Variants in PRKAG2 observed in about 807,000 individuals in gnomAD.
The protein encoded by PRKAG2 is 5'-AMP-activated protein kinase subunit gamma-2.
A neutral mutation model predicts 69.6 loss-of-function variants in PRKAG2; 26 were observed. That is an observed-to-expected ratio of 0.37 (90% confidence interval 0.27 to 0.52). The LOEUF is 0.52. Among genes scored for constraint, PRKAG2 ranks in the 20% least tolerant of loss-of-function variants. PRKAG2 has a pLI of 0.90. For synonymous variants in PRKAG2, 293 were observed against 285.0 expected, an observed-to-expected ratio of 1.03 and a Z score of -0.28; for missense variants, 557 against 740.0, an observed-to-expected ratio of 0.75 and a Z score of 2.87.
intron 1 of PRKAG2, among the ~76,000 whole-genome samples, chr7:151,855,098 C>A (rs377177030): frequency 4.9e-4 from 24 of 48,684 alleles, no homozygotes; most frequent in African/African-American, 7.7e-4. Flanking sequence ...ACACCATCCT[C>A]CACACACACC....
chr7:151,729,158 G>C (rs1563539876), intron 3 of PRKAG2, among the ~76,000 whole-genome samples: 2 of 151,696 alleles, frequency 1.3e-5, no homozygotes, highest in Non-Finnish European at 2.9e-5. Context: ...GGATGAGAGT[G>C]GGGCGGACAG....
rs545089356 is a variant in PRKAG2, at chr7:151,658,345, C to T, written c.684+17075G>A. Reference sequence around the variant, plus strand: ...TACTAAAAATACAAAATTAGCCAGGCGTGGTGGCGCGTGCCCGTAATCCCA... The same window carrying T: ...TACTAAAAATACAAAATTAGCCAGGTGTGGTGGCGCGTGCCCGTAATCCCA... On this transcript the variant is annotated intron_variant, in intron 4 of 15. Transcript: ENST00000287878. 3.3e-3 allele frequency among the ~76,000 whole-genome samples: 493 copies of T among 151,216 alleles called. 2 individuals carry two copies. Among genetic ancestry groups the T allele is most frequent in the Non-Finnish European group, 5.9e-3 (402 of 67,784 alleles).
At chr7:151,579,481 A>G (rs1212850970) in intron 6 of PRKAG2, among the ~76,000 whole-genome samples, 1 of 152,230 alleles carries the variant, frequency 6.6e-6, no homozygotes, top group East Asian at 1.9e-4. Flanking sequence ...AGTTTGGCAT[A>G]ATGAAACAGT....
At chr7:151,827,399 C>G (rs906267183) in intron 1 of PRKAG2, among the ~76,000 whole-genome samples, 2 of 152,070 alleles carry the variant, frequency 1.3e-5, no homozygotes, top group African/African-American at 4.8e-5. Context: ...CCACCACACC[C>G]AGCTAATGTT....
chr7:151,675,514 G>T lies in PRKAG2; in HGVS notation c.590C>A (p.Pro197His), dbSNP rs368637364. 6.2e-7 allele frequency: 1 copy of T among 1,614,210 alleles called. No homozygotes were observed. ...LENRIYASSS[P>H]PDTGQRFCPS... is the part of the protein sequence containing the mutation. ...GCAGAACCTCTGCCCTGTGTCCGGG[G>T]GGGAAGACGAGGCATAGATGCGATT... is the stretch of plus-strand genomic sequence containing the variant. The change falls in exon 4 of 16, where the codon CCC (proline) becomes CAC (histidine). Residue 197 changes from proline (P) to histidine (H), a missense_variant. Pro to His is a moderately conservative substitution (Grantham distance 77, BLOSUM62 -2). Around this residue, in one of 2 missense-constraint regions of PRKAG2, gnomAD observed 352 missense variants for 356.7 expected, o/e 0.99. Coordinates refer to ENST00000287878, the MANE Select transcript of PRKAG2 (RefSeq NM_016203.4).
intron 13 of PRKAG2, among the ~76,000 whole-genome samples, chr7:151,564,840 G>A (rs1454925872): frequency 6.6e-6 from 1 of 152,154 alleles, no homozygotes; most frequent in Non-Finnish European, 1.5e-5. Flanking sequence ...GTGAAGCAAA[G>A]GGTTTGAGGC....
chr7:151,813,481 G>T (rs187973148), intron 1 of PRKAG2, among the ~76,000 whole-genome samples: 1 of 138,444 alleles, frequency 7.2e-6, no homozygotes, highest in African/African-American at 2.6e-5. Context: ...CTTACGGAAG[G>T]CGATTGTAAG....
chr7:151,782,840 A>C (rs1313191565), intron 2 of PRKAG2, among the ~76,000 whole-genome samples: 1 of 152,196 alleles, frequency 6.6e-6, no homozygotes, highest in East Asian at 1.9e-4. Flanking sequence ...ACCACTTGGG[A>C]AACTTGCAAG....
intron 1 of PRKAG2, among the ~76,000 whole-genome samples, chr7:151,841,967 G>A (rs2079305276): frequency 6.8e-6 from 1 of 147,948 alleles, no homozygotes; most frequent in African/African-American, 2.5e-5. Context: ...ATGGTAGGTA[G>A]GGATGGTAGT....
chr7:151,762,043 A>G (rs113544473), intron 3 of PRKAG2, among the ~76,000 whole-genome samples: 4 of 152,246 alleles, frequency 2.6e-5, no homozygotes, highest in Non-Finnish European at 4.4e-5. Flanking sequence ...GCCTGGGGCC[A>G]TGCCCTGAGT....
chr7:151,855,082 CCACACACACCATCCTCCA>C (rs1253342968), intron 1 of PRKAG2, among the ~76,000 whole-genome samples: 5 of 53,254 alleles, frequency 9.4e-5, no homozygotes, highest in Non-Finnish European at 1.0e-4. Flanking sequence ...ACACCATCCT[CCACACACACCATCCTCCA>C]CACACACCAC....
chr7:151,678,954 ACT>A (rs1337921524), intron 3 of PRKAG2, among the ~76,000 whole-genome samples: 1 of 151,568 alleles, frequency 6.6e-6, no homozygotes, highest in Non-Finnish European at 1.5e-5. Context: ...ACAGAGTGAG[ACT>A]CTGTCTCAAA....
intron 1 of PRKAG2, among the ~76,000 whole-genome samples, chr7:151,817,184 G>A (rs1402103383): frequency 6.6e-6 from 1 of 152,068 alleles, no homozygotes; most frequent in Admixed American, 6.6e-5. Flanking sequence ...CTCCCTGGAG[G>A]GCGGAGTCAG....
At chr7:151,841,923 G>A (rs1337932646) in intron 1 of PRKAG2, among the ~76,000 whole-genome samples, 1 of 147,870 alleles carries the variant, frequency 6.8e-6, no homozygotes, top group Non-Finnish European at 1.5e-5. Flanking sequence ...ATGGTAGGTA[G>A]TCATGGTAGT....
chr7:151,566,366 C>T (rs994813136), intron 11 of PRKAG2, among the ~76,000 whole-genome samples: 5 of 152,276 alleles, frequency 3.3e-5, no homozygotes, highest in African/African-American at 1.2e-4. Context: ...AGTCCTCACG[C>T]CACCCGCCTC....
chr7:151,854,995 CCAT>C (rs2079675714), intron 1 of PRKAG2, among the ~76,000 whole-genome samples: 1 of 33,464 alleles, frequency 3.0e-5, no homozygotes, highest in Non-Finnish European at 6.7e-5. Context: ...TCCACACACA[CCAT>C]GCTCCACACA....
intron 3 of PRKAG2, among the ~76,000 whole-genome samples, chr7:151,693,176 A>G (rs1371361292): frequency 1.3e-5 from 2 of 152,200 alleles, no homozygotes; most frequent in Admixed American, 1.3e-4. Context: ...GGACAGGTCA[A>G]TGAGTCTTCT....
chr7:151,606,387 A>G (rs895491553), intron 5 of PRKAG2, among the ~76,000 whole-genome samples: 3 of 152,220 alleles, frequency 2.0e-5, no homozygotes, highest in Non-Finnish European at 4.4e-5. Flanking sequence ...TGTTAGTTAC[A>G]TTATGGTGAA....
intron 6 of PRKAG2, among the ~76,000 whole-genome samples, chr7:151,588,845 A>C (rs138784272): frequency 1.4e-3 from 209 of 152,222 alleles, no homozygotes; most frequent in African/African-American, 4.9e-3. Context: ...GTATGTCTTT[A>C]TTGGCAGCAT....
Sources: gnomAD v4.1 joint callset for allele counts (sites outside exome capture counted in the v4.1 genomes callset) on GRCh38, gnomAD v4.1.1 for gene constraint, gnomAD v4.1.1 regional missense constraint, MANE v1.5 for transcripts, NCBI Gene and HGNC (gene_info 2026-07-23, HGNC 2026-07-21) for gene names.